Variants in UBA52 observed in about 807,000 individuals in gnomAD.
UBA52 encodes the protein ubiquitin-ribosomal protein eL40 fusion protein.
UBA52 carries 1 observed loss-of-function variant against 15.3 expected under a neutral mutation model. The ratio of observed to expected loss-of-function variants is 0.07; its 90% CI spans 0.02 to 0.31. UBA52 has a LOEUF of 0.31. Ranked by LOEUF, UBA52 falls within the 10% of genes least tolerant of loss-of-function variation. UBA52 has a pLI of 1.00. For synonymous variants in UBA52, 50 were observed against 58.3 expected (o/e 0.86, Z 0.65); for missense variants, 87 against 168.0 (o/e 0.52, Z 2.66).
At position 18,574,861 on chromosome 19, in the gene UBA52, C is replaced by T. The variant is rs542916696; in HGVS notation, c.191-9C>T. The stretch of plus-strand genomic sequence containing the variant: ...GCTCAGTCGCCGTCCTTCTGGCTGT[C>T]TCCTGCAGAGTCCACCCTGCACCTG... On this transcript the variant is annotated splice_polypyrimidine_tract_variant and intron_variant, in intron 3 of 4. Coordinates refer to ENST00000442744, the MANE Select transcript of UBA52 (RefSeq NM_001033930.3). The T allele has an allele frequency of 2.5e-6, 4 of 1,612,868 alleles. No individual in the cohort carries two copies. The highest frequency in any genetic ancestry group is 2.2e-5 in the South Asian group (2 of 91,056).
rs953592002 is a variant in UBA52, at chr19:18,576,957, A to G, written c.*1807A>G. The G allele has an allele frequency of 6.8e-6, 1 of 148,076 alleles. No individual in the cohort carries two copies. The highest frequency in any genetic ancestry group is 2.5e-5 in the African/African-American group (1 of 40,334). 9.2% of individuals were successfully genotyped at this position (148,076 alleles called of 1,614,324 possible). On this transcript the variant is annotated 3_prime_UTR_variant, in exon 5 of 5. Coordinates refer to ENST00000442744, the MANE Select transcript of UBA52 (RefSeq NM_001033930.3). Reference sequence around the variant, plus strand: ...TGCTAGGATTACAAGCGTAAGCCACAGCGCCTGGCCTTGCTACATTTTTTT... The same window carrying G: ...TGCTAGGATTACAAGCGTAAGCCACGGCGCCTGGCCTTGCTACATTTTTTT...
chr19:18,567,027 C>A, upstream of UBA52: 1 of 976,896 alleles, frequency 1.0e-6, no homozygotes, highest in Non-Finnish European at 1.6e-6. Flanking sequence ...GGTTCTCACT[C>A]CCGTCTCCCC....
Position 18,577,436 on chromosome 19 carries a change from T to G in UBA52, c.*2286T>G, listed in dbSNP as rs1200681523. The stretch of plus-strand genomic sequence containing the variant: ...AGCATGTGGAAGCTTTCCTTTCGCT[T>G]CATTCAATAAACAGCTGCTGCTCAC... On this transcript the variant is annotated 3_prime_UTR_variant, in exon 5 of 5. Transcript: ENST00000442744. 1 of 152,124 alleles carries G rather than the reference T, an allele frequency of 6.6e-6. No individual in the cohort carries two copies. The highest frequency in any genetic ancestry group is 1.9e-4 in the East Asian group (1 of 5,184). The allele number at this position is 152,124 out of a possible 1,614,324, so 9.4% of individuals were successfully genotyped here. A position where few individuals can be genotyped will look rare whatever the true frequency, so the allele number is the denominator to read the frequency against.
intron 2 of UBA52, 43 bp from the exon 3 acceptor site, chr19:18,573,619 A>G (rs755454752): frequency 1.2e-6 from 2 of 1,600,242 alleles, no homozygotes; most frequent in Admixed American, 1.7e-5. Flanking sequence ...ACTGCCAGTA[A>G]TATGGTCCGC....
chr19:18,568,193 G>A (rs896912425), upstream of UBA52, among the ~76,000 whole-genome samples: 4 of 151,694 alleles, frequency 2.6e-5, no homozygotes, highest in South Asian at 2.1e-4. Flanking sequence ...CTTGAACCCG[G>A]GAGACGGAGG....
the UBA52 span, among the ~76,000 whole-genome samples, chr19:18,564,669 A>G: frequency 3.3e-5 from 5 of 152,310 alleles, no homozygotes; most frequent in African/African-American, 7.2e-5. Flanking sequence ...CATGAGAAGG[A>G]CACACTTGAG....
upstream of UBA52, among the ~76,000 whole-genome samples, chr19:18,566,971 C>T (rs987163391): frequency 1.1e-4 from 16 of 152,252 alleles, no homozygotes; most frequent in Admixed American, 5.9e-4. Flanking sequence ...GCTGCTGGGC[C>T]GAGCACCTAG....
intron 1 of UBA52, chr19:18,572,456 A>T (rs1224383471): frequency 6.6e-6 from 1 of 152,074 alleles, no homozygotes; most frequent in Non-Finnish European, 1.5e-5. Context: ...CAGCCTCCCG[A>T]GTAGCTGGGA....
upstream of UBA52, chr19:18,568,569 C>G (rs7648): frequency 0.55 from 881,949 of 1,613,214 alleles, 247,839 homozygotes; most frequent in East Asian, 0.66. Context: ...CCATGTCCAG[C>G]CTGGCTCCCC....
chr19:18,567,382 G>A (rs1420349956), upstream of UBA52: 13 of 649,992 alleles, frequency 2.0e-5, no homozygotes, highest in South Asian at 1.9e-4. Context: ...ACGGGAGTCC[G>A]TGCCCCGTGG....
At chr19:18,564,962 C>A in the UBA52 span, 1 of 1,612,500 alleles carries the variant, frequency 6.2e-7, no homozygotes, top group South Asian at 1.1e-5. Flanking sequence ...GCTTCCTGCA[C>A]CACACGAGGA....
upstream of UBA52, chr19:18,567,423 G>C (rs1568423288): frequency 1.5e-6 from 1 of 673,070 alleles, no homozygotes; most frequent in Non-Finnish European, 2.7e-6. Context: ...TGGATAAGCA[G>C]CATGACAATC....
chr19:18,570,552 A>C (rs1231134611), upstream of UBA52, among the ~76,000 whole-genome samples: 4 of 117,100 alleles, frequency 3.4e-5, no homozygotes, highest in African/African-American at 1.4e-4. Flanking sequence ...TCACTCTGTC[A>C]CCCAGGCTGG....
upstream of UBA52, chr19:18,568,647 C>T: frequency 1.3e-6 from 2 of 1,587,332 alleles, no homozygotes; most frequent in African/African-American, 1.3e-5. Flanking sequence ...CTGCCCGGTG[C>T]CTTGAGGGGG....
At chr19:18,564,828 G>C in the UBA52 span, 2 of 1,609,548 alleles carry the variant, frequency 1.2e-6, no homozygotes, top group Non-Finnish European at 8.5e-7. Flanking sequence ...GCAGGGCCCT[G>C]AAGCTGGGCA....
upstream of UBA52, chr19:18,568,496 C>G (rs770040518): frequency 6.2e-7 from 1 of 1,614,110 alleles, no homozygotes; most frequent in South Asian, 1.1e-5. Context: ...AGAGCACGGG[C>G]TCATGTGACA....
the UBA52 span, among the ~76,000 whole-genome samples, chr19:18,566,161 C>T: frequency 6.6e-6 from 1 of 151,928 alleles, no homozygotes; most frequent in South Asian, 2.1e-4. Context: ...AAAAATGTAA[C>T]ACAGTGCGGC....
chr19:18,566,885 C>T (rs936573605), upstream of UBA52, among the ~76,000 whole-genome samples: 3 of 152,216 alleles, frequency 2.0e-5, no homozygotes, highest in African/African-American at 7.2e-5. Flanking sequence ...CTCAGAGCAC[C>T]CAGAGTCTAA....
At chr19:18,572,957 A>T (rs1254912396) in intron 1 of UBA52, 3 of 1,140,156 alleles carry the variant, frequency 2.6e-6, no homozygotes, top group Admixed American at 8.7e-5. Flanking sequence ...GATGATGCCA[A>T]AGGGTACTTA....
Sources: allele counts gnomAD v4.1 joint callset (sites outside exome capture counted in the v4.1 genomes callset), GRCh38; gene constraint gnomAD v4.1.1; transcripts MANE v1.5; gene names NCBI Gene and HGNC (gene_info 2026-07-23, HGNC 2026-07-21).